FSAF1: variants seen among roughly 807,000 people sequenced by gnomAD.
FSAF1 encodes the protein 40S small subunit processome assembly factor 1, also known as uncharacterized protein C1orf131.
chr1:231,232,458 G>A, the FSAF1 span, among the ~76,000 whole-genome samples: 1 of 152,190 alleles, frequency 6.6e-6, no homozygotes, highest in Non-Finnish European at 1.5e-5. Context: ...TCCAGATGGT[G>A]GCACCCCGTC....
the FSAF1 span, among the ~76,000 whole-genome samples, chr1:231,234,722 G>C: frequency 6.6e-6 from 1 of 152,178 alleles, no homozygotes; most frequent in Admixed American, 6.5e-5. This position sits in a 1 kb window ranked among gnomAD's most constrained non-coding sequence, Gnocchi z 4.0. Context: ...TATGAGACCT[G>C]GCAAGGGCTG....
the FSAF1 span, chr1:231,225,350 G>A: frequency 9.1e-6 from 8 of 883,046 alleles, no homozygotes; most frequent in Non-Finnish European, 1.5e-5. Flanking sequence ...AAGGATAAAT[G>A]AGAGACAGTG....
the FSAF1 span, chr1:231,237,312 G>A: frequency 6.6e-6 from 1 of 152,214 alleles, no homozygotes; most frequent in Non-Finnish European, 1.5e-5. Context: ...CATTCATAAA[G>A]AACAATGCAA....
At chr1:231,240,957 G>A in the FSAF1 span, 2 of 1,419,114 alleles carry the variant, frequency 1.4e-6, no homozygotes, top group African/African-American at 1.4e-5. This position sits in a 1 kb window ranked among gnomAD's most constrained non-coding sequence, Gnocchi z 4.1. Flanking sequence ...ACCCAGGACG[G>A]GCAACACAGG....
At chr1:231,224,253 A>G in the FSAF1 span, 3 of 1,599,366 alleles carry the variant, frequency 1.9e-6, no homozygotes, top group Non-Finnish European at 2.6e-6. Context: ...AGTTGTTCCC[A>G]TCCTCGTTTT....
chr1:231,224,873 A>C, the FSAF1 span: 1 of 170,532 alleles, frequency 5.9e-6, no homozygotes. Flanking sequence ...GTGTGATTAC[A>C]GCTGTACACC....
At chr1:231,225,876 T>C in the FSAF1 span, 2 of 274,592 alleles carry the variant, frequency 7.3e-6, no homozygotes. Flanking sequence ...GTAAGACTAA[T>C]AGTCTTACAC....
chr1:231,225,779 A>T, the FSAF1 span: 1 of 483,674 alleles, frequency 2.1e-6, no homozygotes, highest in Non-Finnish European at 3.7e-6. Flanking sequence ...ACTTGATCCC[A>T]GGAGTTCAAG....
At chr1:231,231,677 A>G in the FSAF1 span, among the ~76,000 whole-genome samples, 1 of 152,202 alleles carries the variant, frequency 6.6e-6, no homozygotes, top group Non-Finnish European at 1.5e-5. Flanking sequence ...GCACAGTAAT[A>G]AAATTCTTGG....
chr1:231,240,003 C>T, the FSAF1 span, among the ~76,000 whole-genome samples: 1 of 152,144 alleles, frequency 6.6e-6, no homozygotes, highest in Non-Finnish European at 1.5e-5. This position sits in a 1 kb window ranked among gnomAD's most constrained non-coding sequence, Gnocchi z 4.1. Flanking sequence ...CTTCTCTGTC[C>T]TCCAATATGT....
At chr1:231,238,802 A>G in the FSAF1 span, 4 of 1,480,544 alleles carry the variant, frequency 2.7e-6, no homozygotes, top group South Asian at 4.9e-5. Flanking sequence ...CTATTCACCT[A>G]ATACTACAAT....
At chr1:231,227,595 T>G in the FSAF1 span, among the ~76,000 whole-genome samples, 10 of 143,840 alleles carry the variant, frequency 7.0e-5, no homozygotes, top group South Asian at 4.6e-4. Flanking sequence ...GTTTTTTTTT[T>G]TTTTTTTTTT....
At chr1:231,227,139 A>C in the FSAF1 span, 1 of 1,477,796 alleles carries the variant, frequency 6.8e-7, no homozygotes, top group Non-Finnish European at 9.4e-7. Flanking sequence ...TACTGCCAGA[A>C]GTAATGCATT....
At chr1:231,226,631 C>T in the FSAF1 span, 1 of 1,009,934 alleles carries the variant, frequency 9.9e-7, no homozygotes, top group Non-Finnish European at 1.6e-6. Context: ...GATCCTTTAA[C>T]TCTGGTGCCT....
chr1:231,233,006 C>T, the FSAF1 span, among the ~76,000 whole-genome samples: 1 of 152,172 alleles, frequency 6.6e-6, no homozygotes, highest in East Asian at 1.9e-4. Context: ...TTCTTCCTAA[C>T]ACCCATCTGA....
the FSAF1 span, among the ~76,000 whole-genome samples, chr1:231,236,519 A>G: frequency 6.6e-6 from 1 of 152,202 alleles, no homozygotes; most frequent in Non-Finnish European, 1.5e-5. Context: ...ACGGGAAGCA[A>G]AAGACAATTT....
the FSAF1 span, among the ~76,000 whole-genome samples, chr1:231,231,389 C>G: frequency 1.3e-5 from 2 of 152,204 alleles, no homozygotes; most frequent in Non-Finnish European, 1.5e-5. Context: ...GTTCCCAGAT[C>G]TCCAAGATCC....
the FSAF1 span, chr1:231,226,760 T>C: frequency 4.4e-6 from 7 of 1,608,368 alleles, no homozygotes; most frequent in Non-Finnish European, 6.0e-6. Context: ...CTTCTTCCTT[T>C]GCTGCCTTTT....
At chr1:231,224,533 AC>A in the FSAF1 span, 32 of 953,626 alleles carry the variant, frequency 3.4e-5, no homozygotes, top group Non-Finnish European at 4.6e-5. Context: ...TGCCATGCAC[AC>A]CCCCCACCCC....
Sources: gnomAD v4.1 joint callset for allele counts (sites outside exome capture counted in the v4.1 genomes callset) on GRCh38, gnomAD v4.1.1 for gene constraint, Gnocchi (gnomAD v3.1) non-coding constraint, MANE v1.5 for transcripts, NCBI Gene and HGNC (gene_info 2026-07-23, HGNC 2026-07-21) for gene names.